The following HS3ST4 variants were observed in gnomAD, a reference collection of about 807,000 sequenced individuals.
HS3ST4 encodes heparan sulfate-glucosamine 3-sulfotransferase 4, also known as heparan sulfate glucosamine 3-O-sulfotransferase 4.
A neutral mutation model predicts 29.2 loss-of-function variants in HS3ST4; 17 were observed. The ratio of observed to expected loss-of-function variants is 0.58; its 90% CI spans 0.40 to 0.87. The LOEUF is 0.87. Among genes scored for constraint, HS3ST4 ranks in the 40% least tolerant of loss-of-function variants. The probability of loss-of-function intolerance (pLI) is 0.00; values close to 1 mark genes in which losing one functional copy is unlikely to be tolerated. For synonymous variants in HS3ST4, 314 were observed against 285.7 expected (o/e 1.10, Z -1.00); for missense variants, 627 against 634.5 (o/e 0.99, Z 0.13).
intron 1 of HS3ST4, among the ~76,000 whole-genome samples, chr16:25,834,075 A>C (rs1311170810): frequency 6.6e-6 from 1 of 152,226 alleles, no homozygotes; most frequent in Non-Finnish European, 1.5e-5. Context: ...TCAAAATGGG[A>C]ACACATAACA....
intron 1 of HS3ST4, among the ~76,000 whole-genome samples, chr16:25,762,288 G>A (rs1002491366): frequency 1.3e-5 from 2 of 152,164 alleles, no homozygotes; most frequent in Non-Finnish European, 2.9e-5. Flanking sequence ...ACTTGGGAGA[G>A]GCAGGATTTG....
chr16:25,903,020 C>CAAA (rs768153842), intron 1 of HS3ST4, among the ~76,000 whole-genome samples: 7,208 of 119,964 alleles, frequency 0.06, 225 homozygotes, highest in Non-Finnish European at 0.089. Context: ...GACTCTGCCT[C>CAAA]AAAAAAAAAA....
chr16:26,034,647 T>G (rs2141755333), intron 1 of HS3ST4, among the ~76,000 whole-genome samples: 1 of 136,662 alleles, frequency 7.3e-6, no homozygotes, highest in Non-Finnish European at 1.5e-5. Flanking sequence ...AAACTGGAGG[T>G]GCTCCATTAA....
At chr16:25,969,461 T>C (rs1419108370) in intron 1 of HS3ST4, among the ~76,000 whole-genome samples, 1 of 152,010 alleles carries the variant, frequency 6.6e-6, no homozygotes, top group Non-Finnish European at 1.5e-5. Context: ...CTCGTGGGGG[T>C]GGAGGCACAG....
intron 1 of HS3ST4, among the ~76,000 whole-genome samples, chr16:26,028,691 A>T (rs1419534932): frequency 6.6e-6 from 1 of 152,210 alleles, no homozygotes; most frequent in African/African-American, 2.4e-5. Flanking sequence ...AAACTATCCC[A>T]CATCTCCATG....
chr16:25,778,545 T>C (rs1027387529), intron 1 of HS3ST4, among the ~76,000 whole-genome samples: 1 of 152,220 alleles, frequency 6.6e-6, no homozygotes. Context: ...CCAACACCAG[T>C]CTAGATGTTG....
intron 1 of HS3ST4, among the ~76,000 whole-genome samples, chr16:25,828,262 T>TTCTCTCTCTCTCTCTC (rs1967246909): frequency 2.3e-5 from 2 of 87,834 alleles, no homozygotes; most frequent in African/African-American, 4.6e-5. Context: ...CTTTCTTTCT[T>TTCTCTCTCTCTCTCTC]TCTTTCTTTC....
At chr16:26,026,333 A>G (rs1417332838) in intron 1 of HS3ST4, among the ~76,000 whole-genome samples, 3 of 152,194 alleles carry the variant, frequency 2.0e-5, no homozygotes, top group Non-Finnish European at 4.4e-5. Context: ...GTCACAACAG[A>G]AAGCTCTGGT....
chr16:25,907,710 A>C (rs1968193427), intron 1 of HS3ST4, among the ~76,000 whole-genome samples: 1 of 152,068 alleles, frequency 6.6e-6, no homozygotes, highest in Non-Finnish European at 1.5e-5. Flanking sequence ...GCCCCCCAAA[A>C]CACACACACA....
chr16:26,064,438 C>T lies in HS3ST4; in HGVS notation c.735-71174C>T, dbSNP rs551423819. Reference sequence around the variant, plus strand: ...AAGACTGAGCATCGTGCAGAAGCCACAGTGAAGCACGCAGATGTCATGGAG... The same window carrying T: ...AAGACTGAGCATCGTGCAGAAGCCATAGTGAAGCACGCAGATGTCATGGAG... On this transcript the variant is annotated intron_variant, in intron 1 of 1. Transcript: ENST00000331351. Among the ~76,000 whole-genome samples, 4 of 152,096 alleles carry T rather than the reference C, an allele frequency of 2.6e-5. No homozygotes were observed. The East Asian group carries it at 7.8e-4, about 30-fold the overall frequency.
chr16:25,876,693 GTAAAGGAAATTTTTTACTTTTGT>G (rs2141662194), intron 1 of HS3ST4, among the ~76,000 whole-genome samples: 1 of 152,158 alleles, frequency 6.6e-6, no homozygotes, highest in Non-Finnish European at 1.5e-5. Context: ...GGGTGGTCTC[GTAAAGGAAATTTTTTACTTTTGT>G]TAGAAAGAGG....
In HS3ST4 at chr16:25,805,268, C is replaced by T. The variant is rs546573384; in HGVS notation, c.734+112117C>T. ...TTTTATTGGCAAAAGGAGAAGTTCA[C>T]ATAAGCTGCTTAGAAACAGAATTCA... On this transcript the variant is annotated intron_variant, in intron 1 of 1. Transcript: ENST00000331351. Among the ~76,000 whole-genome samples, 10 of 152,300 alleles carry T rather than the reference C, an allele frequency of 6.6e-5. No homozygotes were observed. In the East Asian group the frequency reaches 1.9e-3, roughly 29 times the overall value.
At chr16:25,838,314 T>C (rs762502903) in intron 1 of HS3ST4, among the ~76,000 whole-genome samples, 1 of 152,172 alleles carries the variant, frequency 6.6e-6, no homozygotes, top group Admixed American at 6.5e-5. Flanking sequence ...GAAGTACTTA[T>C]CTGACCCGAT....
chr16:25,724,609 A>C (rs557382730), intron 1 of HS3ST4, among the ~76,000 whole-genome samples: 2 of 151,738 alleles, frequency 1.3e-5, no homozygotes, highest in South Asian at 4.2e-4. Context: ...TGATCCCCCC[A>C]CCTCGGCCTC....
rs1033452094 is a variant in HS3ST4 at position 25,734,373 on chromosome 16, C to T, written c.734+41222C>T. Among the ~76,000 whole-genome samples, 3 of 152,144 alleles carry T rather than the reference C, an allele frequency of 2.0e-5. No homozygotes were observed. The East Asian group carries it at 5.8e-4, about 29-fold the overall frequency. On this transcript the variant is annotated intron_variant, in intron 1 of 1. Transcript: ENST00000331351. Reference sequence around the variant, plus strand: ...TTGGATCTTAAATTTCAGGGGTCCACCTCCTCATATTTCTGGGAAGAGGGC... The same window carrying T: ...TTGGATCTTAAATTTCAGGGGTCCATCTCCTCATATTTCTGGGAAGAGGGC...
At chr16:25,917,825 C>T (rs1968307244) in intron 1 of HS3ST4, among the ~76,000 whole-genome samples, 1 of 152,124 alleles carries the variant, frequency 6.6e-6, no homozygotes, top group African/African-American at 2.4e-5. Context: ...TTTTGCTGGC[C>T]AAACCTTCAA....
At chr16:25,812,931 C>T (rs1967056602) in intron 1 of HS3ST4, among the ~76,000 whole-genome samples, 1 of 152,116 alleles carries the variant, frequency 6.6e-6, no homozygotes, top group Non-Finnish European at 1.5e-5. Flanking sequence ...GTTCAATTTA[C>T]CTCTTATAGA....
chr16:26,009,056 G>A (rs1286861865), intron 1 of HS3ST4, among the ~76,000 whole-genome samples: 1 of 152,140 alleles, frequency 6.6e-6, no homozygotes, highest in Non-Finnish European at 1.5e-5. Flanking sequence ...AACCCACTGC[G>A]TTATTGTCAT....
chr16:25,903,302 G>GTGTGTGTGTATATGTATATATTATATACA (rs151301516), intron 1 of HS3ST4, among the ~76,000 whole-genome samples: 48 of 103,492 alleles, frequency 4.6e-4, no homozygotes, highest in African/African-American at 1.7e-3. Flanking sequence ...GTGTGTGTGT[G>GTGTGTGTGTATATGTATATATTATATACA]TATGTATATG....
Sources: gnomAD v4.1 joint callset for allele counts (sites outside exome capture counted in the v4.1 genomes callset) on GRCh38, gnomAD v4.1.1 for gene constraint, MANE v1.5 for transcripts, NCBI Gene and HGNC (gene_info 2026-07-23, HGNC 2026-07-21) for gene names.